The following MAGI2 variants were observed in gnomAD, a reference collection of about 807,000 sequenced individuals.
The protein encoded by MAGI2 is membrane-associated guanylate kinase, WW and PDZ domain-containing protein 2.
MAGI2 carries 35 observed loss-of-function variants against 133.3 expected under a neutral mutation model. That is an observed-to-expected ratio of 0.26 (90% CI 0.20 to 0.35). The LOEUF (loss-of-function observed/expected upper bound fraction) is 0.35. MAGI2 is among the 10% of genes least tolerant of loss of function. The pLI is 1.00. For synonymous variants in MAGI2, 729 were observed against 710.6 expected (o/e 1.03, Z -0.41); for missense variants, 1,636 against 1,863.4 (o/e 0.88, Z 2.25).
chr7:78,606,429 A>G (rs971698430), intron 3 of MAGI2, among the ~76,000 whole-genome samples: 1 of 151,592 alleles, frequency 6.6e-6, no homozygotes, highest in Non-Finnish European at 1.5e-5. Context: ...CAGAGCCACA[A>G]ATATAAGAAA....
chr7:78,970,053 C>T (rs1265355199), intron 2 of MAGI2, among the ~76,000 whole-genome samples: 3 of 152,024 alleles, frequency 2.0e-5, no homozygotes, highest in Admixed American at 1.3e-4. Context: ...GTCCACATTC[C>T]ATCTAATATC....
At chr7:78,068,137 A>G (rs112110331) in intron 21 of MAGI2, among the ~76,000 whole-genome samples, 4 of 152,258 alleles carry the variant, frequency 2.6e-5, no homozygotes, top group African/African-American at 9.6e-5. Context: ...TTCAGGATGA[A>G]ACTGTTCCAC....
chr7:78,464,278 C>T (rs1016557779), intron 6 of MAGI2, among the ~76,000 whole-genome samples: 1 of 152,160 alleles, frequency 6.6e-6, no homozygotes, highest in Non-Finnish European at 1.5e-5. Context: ...TACTCTGCGA[C>T]ACTCCAAGAA....
At chr7:79,214,566 C>T (rs1829841514) in intron 1 of MAGI2, among the ~76,000 whole-genome samples, 1 of 140,084 alleles carries the variant, frequency 7.1e-6, no homozygotes, top group Non-Finnish European at 1.5e-5. Context: ...ACTGATTTTA[C>T]AAGGATATCG....
chr7:78,932,774 T>C (rs1800233776), intron 2 of MAGI2, among the ~76,000 whole-genome samples: 1 of 152,114 alleles, frequency 6.6e-6, no homozygotes, highest in African/African-American at 2.4e-5. Flanking sequence ...AGTGGAGAAA[T>C]TCATTGACAA....
intron 2 of MAGI2, among the ~76,000 whole-genome samples, chr7:78,867,655 C>T (rs919639261): frequency 6.6e-6 from 1 of 150,872 alleles, no homozygotes; most frequent in Non-Finnish European, 1.5e-5. Context: ...CTAACCTGCA[C>T]ATTGTGCACA....
chr7:78,930,949 C>T (rs1274246342), intron 2 of MAGI2, among the ~76,000 whole-genome samples: 1 of 152,000 alleles, frequency 6.6e-6, no homozygotes, highest in Non-Finnish European at 1.5e-5. Context: ...GTAAAAAATG[C>T]CACTGCGAAA....
intron 1 of MAGI2, among the ~76,000 whole-genome samples, chr7:79,127,086 T>G (rs1265049895): frequency 6.6e-6 from 1 of 152,060 alleles, no homozygotes; most frequent in Non-Finnish European, 1.5e-5. Flanking sequence ...TTGCTGAGAA[T>G]GATGGTTTCC....
intron 2 of MAGI2, among the ~76,000 whole-genome samples, chr7:78,749,281 G>T (rs772819871): frequency 5.1e-4 from 77 of 152,124 alleles, no homozygotes; most frequent in Admixed American, 5.2e-4. Flanking sequence ...GAGGGAAAAG[G>T]TGTCCAAGCT....
At chr7:78,744,319 C>A (rs866892556) in intron 2 of MAGI2, among the ~76,000 whole-genome samples, 1 of 151,988 alleles carries the variant, frequency 6.6e-6, no homozygotes, top group African/African-American at 2.4e-5. Flanking sequence ...GTTTTCATCC[C>A]ATTTGAATTT....
At chr7:78,490,817 C>A (rs1433766607) in intron 5 of MAGI2, among the ~76,000 whole-genome samples, 2 of 151,894 alleles carry the variant, frequency 1.3e-5, no homozygotes, top group African/African-American at 4.8e-5. Context: ...ATCTCATCTA[C>A]CAATGGACAA....
chr7:78,729,058 G>T (rs1821115703), intron 2 of MAGI2, among the ~76,000 whole-genome samples: 1 of 152,048 alleles, frequency 6.6e-6, no homozygotes, highest in Admixed American at 6.6e-5. Flanking sequence ...ACTTGTAATG[G>T]TATTAGGCTA....
chr7:79,300,450 T>C (rs971703442), intron 1 of MAGI2, among the ~76,000 whole-genome samples: 2 of 152,118 alleles, frequency 1.3e-5, no homozygotes, highest in Non-Finnish European at 2.9e-5. Flanking sequence ...TTCAAAGTGA[T>C]GATTTAGGGT....
chr7:78,991,607 A>C (rs1283086029), intron 2 of MAGI2, among the ~76,000 whole-genome samples: 2 of 150,538 alleles, frequency 1.3e-5, no homozygotes, highest in Non-Finnish European at 3.0e-5. Flanking sequence ...TTTTTTTTTA[A>C]ATAATGAGGA....
chr7:78,967,763 A>G (rs1238708193), intron 2 of MAGI2, among the ~76,000 whole-genome samples: 1 of 151,964 alleles, frequency 6.6e-6, no homozygotes, highest in Non-Finnish European at 1.5e-5. Context: ...TTATATACGC[A>G]TGGCTTATTT....
At chr7:79,104,806 A>G (rs1324762407) in intron 1 of MAGI2, among the ~76,000 whole-genome samples, 2 of 152,202 alleles carry the variant, frequency 1.3e-5, no homozygotes, top group Non-Finnish European at 2.9e-5. Flanking sequence ...GGTGAGGTTC[A>G]TTGCAATCTC....
intron 2 of MAGI2, among the ~76,000 whole-genome samples, chr7:78,830,818 T>C (rs928136755): frequency 6.6e-6 from 1 of 152,128 alleles, no homozygotes; most frequent in Admixed American, 6.5e-5. Flanking sequence ...AAGGGGCCAA[T>C]TGGCAATCTA....
At chr7:79,065,846 T>C (rs918854543) in intron 1 of MAGI2, among the ~76,000 whole-genome samples, 1 of 152,216 alleles carries the variant, frequency 6.6e-6, no homozygotes, top group Admixed American at 6.5e-5. Flanking sequence ...TTGCTGAGAA[T>C]GATGGTTTCC....
chr7:78,754,172 T>C (rs1823723307), intron 2 of MAGI2, among the ~76,000 whole-genome samples: 1 of 151,780 alleles, frequency 6.6e-6, no homozygotes, highest in African/African-American at 2.4e-5. Context: ...AGCCCAGGAG[T>C]TCGGGACCAG....
Sources: gnomAD v4.1 joint callset for allele counts (sites outside exome capture counted in the v4.1 genomes callset) on GRCh38, gnomAD v4.1.1 for gene constraint, MANE v1.5 for transcripts, NCBI Gene and HGNC (gene_info 2026-07-23, HGNC 2026-07-21) for gene names.